Variants in SLC7A11 observed in about 807,000 individuals in gnomAD.
SLC7A11 encodes cystine/glutamate transporter.
In SLC7A11, 35 loss-of-function variants were observed where a neutral mutation model predicts 54.5. That is an observed-to-expected ratio of 0.64 (90% CI 0.49 to 0.85). The LOEUF (loss-of-function observed/expected upper bound fraction) is 0.85. Ranked by LOEUF, SLC7A11 falls within the 40% of genes least tolerant of loss-of-function variation. The probability of loss-of-function intolerance (pLI) is 0.00; values close to 1 mark genes in which losing one functional copy is unlikely to be tolerated. For synonymous variants in SLC7A11, 230 were observed against 225.2 expected, an observed-to-expected ratio of 1.02 and a Z score of -0.19; for missense variants, 583 against 618.1, an observed-to-expected ratio of 0.94 and a Z score of 0.60.
rs368004366 is a variant in SLC7A11 at position 138,222,292 on chromosome 4, C to T, written c.646+907G>A. On this transcript the variant is annotated intron_variant, in intron 4 of 11. Coordinates refer to ENST00000280612, the MANE Select transcript of SLC7A11 (RefSeq NM_014331.4). ...TACCAACAGTGATGATTTTACCAAA[C>T]GCTGGCATTTCCTTTTGCCTTGTGT... Among the ~76,000 whole-genome samples the T allele has an allele frequency of 1.9e-3, 292 of 152,304 alleles. 2 individuals carry two copies. The highest frequency in any genetic ancestry group is 6.5e-3 in the African/African-American group (269 of 41,572).
Position 138,167,010 on chromosome 4 carries a change from CAACT to C in SLC7A11, c.*4942_*4945del, listed in dbSNP as rs1049737235. On this transcript the variant is annotated 3_prime_UTR_variant, in exon 12 of 12. Transcript: ENST00000280612. ...AGACAAAACATTTATTTTTAGACAC[CAACT>C]AATTGGAAAATATAAGGAAAGAAAT... The C allele has an allele frequency of 5.3e-5, 8 of 151,728 alleles. No homozygotes were observed. The highest frequency in any genetic ancestry group is 7.3e-5 in the African/African-American group (3 of 41,350). The allele number at this position is 151,728 out of a possible 1,614,324, so 9.4% of individuals were successfully genotyped here.
Position 138,237,512 on chromosome 4 carries a change from C to T in SLC7A11, c.278-1061G>A, listed in dbSNP as rs370806034. Among the ~76,000 whole-genome samples the T allele has an allele frequency of 7.3e-4, 109 of 149,532 alleles. 1 individual carries two copies. In the South Asian group the frequency reaches 0.021, roughly 29 times the overall value. ...TCCTAGGTTCAAGCAATTCTCCTGC[C>T]TCAGGGTCCCGAATAGCTGGGATTA... is the stretch of plus-strand genomic sequence containing the variant. On this transcript the variant is annotated intron_variant, in intron 1 of 11. Coordinates refer to ENST00000280612, the MANE Select transcript of SLC7A11 (RefSeq NM_014331.4).
intron 9 of SLC7A11, among the ~76,000 whole-genome samples, chr4:138,181,804 G>A (rs775375306): frequency 1.3e-5 from 2 of 152,126 alleles, no homozygotes; most frequent in South Asian, 2.1e-4. Flanking sequence ...TTTTTATCCT[G>A]CAGGATAAAA....
At position 138,219,931 on chromosome 4, in the gene SLC7A11, G is replaced by A. The variant is rs919534271; in HGVS notation, c.647-566C>T. Among the ~76,000 whole-genome samples the A allele has an allele frequency of 3.0e-5, 4 of 132,510 alleles. No homozygotes were observed. In the Admixed American group the frequency reaches 3.7e-4, roughly 12 times the overall value. The allele number at this position is 132,510 out of a possible 152,430, so 86.9% of individuals were successfully genotyped here. On this transcript the variant is annotated intron_variant, in intron 4 of 11. Transcript: ENST00000280612. The stretch of plus-strand genomic sequence containing the variant: ...AAGACCATGTGTGTCAACCCAAACT[G>A]CAAGCCTTTCTTTTTTTATTTTTTT...
intron 3 of SLC7A11, among the ~76,000 whole-genome samples, chr4:138,231,769 A>G (rs763335155): frequency 6.6e-6 from 1 of 152,192 alleles, no homozygotes; most frequent in Non-Finnish European, 1.5e-5. Flanking sequence ...AGAAAATACT[A>G]CTAATAATCA....
In SLC7A11 at chr4:138,170,230, AAAAGTGTGT is replaced by A. The variant is rs1736379493; in HGVS notation, c.*1717_*1725del. The A allele has an allele frequency of 3.5e-4, 34 of 98,286 alleles. No individual in the cohort carries two copies. In the South Asian group the frequency reaches 0.014, roughly 40 times the overall value. The allele number at this position is 98,286 out of a possible 1,614,324, so 6.1% of individuals were successfully genotyped here. A position where few individuals can be genotyped will look rare whatever the true frequency, so the allele number is the denominator to read the frequency against. On this transcript the variant is annotated 3_prime_UTR_variant, in exon 12 of 12. Transcript: ENST00000280612. ...CTATATATATATATATATATATATA[AAAAGTGTGT>A]GTGTGTGTGTGTATATATATATATA...
Position 138,223,232 on chromosome 4 carries a change from T to C in SLC7A11, c.613A>G (p.Ile205Val). 6.2e-7 allele frequency: 1 copy of C among 1,613,668 alleles called. No homozygotes were observed. Residue 205 changes from isoleucine to valine, a missense_variant, in exon 4 of 12, where the codon ATT becomes GTT. Ile to Val is a conservative substitution (Grantham distance 29). Transcript: ENST00000280612. ...TFCKLTAILI[I>V]IVPGVMQLIK... ...AGCTGCATAACTCCAGGGACTATAA[T>C]TATCAGAATTGCTGTGAGCTTGCAA...
chr4:138,180,517 T>C, intron 10 of SLC7A11, 124 bp downstream of exon 10: 1 of 923,214 alleles, frequency 1.1e-6, no homozygotes. Flanking sequence ...CCTGCAAGAG[T>C]TAAACATTTT....
intron 3 of SLC7A11, among the ~76,000 whole-genome samples, chr4:138,223,626 A>G (rs924098757): frequency 6.6e-6 from 1 of 152,170 alleles, no homozygotes. Context: ...GTAGTACTCT[A>G]ACAATCACAT....
rs978829523 is a variant in SLC7A11 at position 138,185,214 on chromosome 4, C to T, written c.822G>A (p.Met274Ile). The T allele has an allele frequency of 6.2e-7, 1 of 1,612,168 alleles. No homozygotes were observed. The highest frequency in any genetic ancestry group is 1.3e-5 in the African/African-American group (1 of 74,876). Residue 274 changes from methionine (M) to isoleucine (I), a missense_variant, in exon 7 of 12, where the codon ATG becomes ATA. By Grantham distance (10) the Met-to-Ile change is conservative. Transcript: ENST00000280612. ...GCACATAGCCAATGGTGACAATGGC[C>T]ATGGATATACATATTGCAAGGGGAA... ...KTIPLAICIS[M>I]AIVTIGYVLT...
intron 11 of SLC7A11, 53 bp downstream of exon 11, chr4:138,179,164 T>C: frequency 8.0e-7 from 1 of 1,250,322 alleles, no homozygotes; most frequent in Non-Finnish European, 1.2e-6. Context: ...CACACCTTTA[T>C]GGGTTTTCTA....
At chr4:138,179,479 T>G in intron 10 of SLC7A11, 85 bp from the exon 11 acceptor site, 1 of 1,160,228 alleles carries the variant, frequency 8.6e-7, no homozygotes, top group Non-Finnish European at 1.2e-6. Flanking sequence ...AGTCATGACA[T>G]ATACTTTAGT....
rs776789011 is a variant in SLC7A11, at chr4:138,182,279, C to T, written c.1116+18G>A. 19 of 1,450,728 alleles carry T rather than the reference C, an allele frequency of 1.3e-5. No homozygotes were observed. Among genetic ancestry groups the T allele is most frequent in the Non-Finnish European group, 1.7e-5 (18 of 1,031,634 alleles). The allele number at this position is 1,450,728 out of a possible 1,614,324, so 89.9% of individuals were successfully genotyped here. A position where few individuals can be genotyped will look rare whatever the true frequency, so the allele number is the denominator to read the frequency against. Reference sequence around the variant, plus strand: ...TTATTCAAGGTTATATCTAGATATACTTGTTAATATGCATTACCAAAACAA... The same window carrying T: ...TTATTCAAGGTTATATCTAGATATATTTGTTAATATGCATTACCAAAACAA... On this transcript the variant is annotated intron_variant, in intron 9 of 11. Transcript: ENST00000280612.
intron 3 of SLC7A11, among the ~76,000 whole-genome samples, chr4:138,229,457 C>A (rs1738022874): frequency 6.6e-6 from 1 of 152,162 alleles, no homozygotes; most frequent in Non-Finnish European, 1.5e-5. Context: ...ACATTTCTTT[C>A]TCCGAATTTC....
At chr4:138,231,122 G>A (rs1738067092) in intron 3 of SLC7A11, among the ~76,000 whole-genome samples, 1 of 152,104 alleles carries the variant, frequency 6.6e-6, no homozygotes, top group Admixed American at 6.5e-5. Context: ...TTATAAGTGG[G>A]AGCTAAATAA....
chr4:138,180,941 C>G, intron 9 of SLC7A11, 151 bp from the exon 10 acceptor site: 2 of 734,532 alleles, frequency 2.7e-6, no homozygotes, highest in Non-Finnish European at 4.3e-6. Context: ...TGACTAATCT[C>G]TTTTCTATAT....
intron 6 of SLC7A11, among the ~76,000 whole-genome samples, chr4:138,190,622 C>T (rs1467045926): frequency 1.3e-5 from 2 of 152,110 alleles, no homozygotes; most frequent in African/African-American, 4.8e-5. Context: ...ACCCTTCAAA[C>T]TTCAGTCATG....
chr4:138,211,399 C>T (rs1560731302), intron 6 of SLC7A11, among the ~76,000 whole-genome samples: 1 of 151,760 alleles, frequency 6.6e-6, no homozygotes, highest in Non-Finnish European at 1.5e-5. Context: ...TCAGGGGCCA[C>T]ACATGTACCC....
In SLC7A11 at chr4:138,196,808, T is replaced by C. The variant is rs539118203; in HGVS notation, c.792-11564A>G. 1.6e-3 allele frequency among the ~76,000 whole-genome samples: 246 copies of C among 152,186 alleles called. 1 individual carries two copies. Among genetic ancestry groups the C allele is most frequent in the Middle Eastern group, 0.01 (3 of 294 alleles). On this transcript the variant is annotated intron_variant, in intron 6 of 11. Coordinates refer to ENST00000280612, the MANE Select transcript of SLC7A11 (RefSeq NM_014331.4). ...CCGAGTAGCTGGGATTACAGGCAAC[T>C]GCCACCACACTCAGCTTATTTTTGT... is the stretch of plus-strand genomic sequence containing the variant.
Sources: gnomAD v4.1 joint callset for allele counts (sites outside exome capture counted in the v4.1 genomes callset) on GRCh38, gnomAD v4.1.1 for gene constraint, MANE v1.5 for transcripts, NCBI Gene and HGNC (gene_info 2026-07-23, HGNC 2026-07-21) for gene names.